MECOM: variants seen among roughly 807,000 people sequenced by gnomAD.
MECOM encodes the protein histone-lysine N-methyltransferase MECOM.
In MECOM, 13 loss-of-function variants were observed where a neutral mutation model predicts 116.3. That is an observed-to-expected ratio of 0.11 (90% CI 0.07 to 0.18). The LOEUF (loss-of-function observed/expected upper bound fraction) is 0.18. Among genes scored for constraint, MECOM ranks in the 10% least tolerant of loss-of-function variants. The probability of loss-of-function intolerance (pLI) is 1.00; values close to 1 mark genes in which losing one functional copy is unlikely to be tolerated. For missense variants in MECOM, 1,299 were observed against 1,509.0 expected (o/e 0.86, Z 2.31); for synonymous variants, 528 against 535.2 (o/e 0.99, Z 0.19).
intron 2 of MECOM, among the ~76,000 whole-genome samples, chr3:169,152,198 G>A (rs934997483): frequency 6.6e-6 from 1 of 152,182 alleles, no homozygotes; most frequent in Non-Finnish European, 1.5e-5. Context: ...ACTGAAGAGA[G>A]ATTACTGGTG....
At chr3:169,499,619 A>G (rs371839486) in intron 1 of MECOM, among the ~76,000 whole-genome samples, 4,549 of 46,896 alleles carry the variant, frequency 0.097, 88 homozygotes, top group African/African-American at 0.3. Context: ...GACCAGGGGG[A>G]AAAAAAAAGA....
chr3:169,414,543 T>C (rs901853634), intron 1 of MECOM, among the ~76,000 whole-genome samples: 4 of 152,154 alleles, frequency 2.6e-5, no homozygotes, highest in African/African-American at 9.7e-5. Flanking sequence ...GTTTGATGAA[T>C]TGACAGAAGT....
intron 2 of MECOM, among the ~76,000 whole-genome samples, chr3:169,225,778 T>C (rs1752655057): frequency 6.6e-6 from 1 of 152,098 alleles, no homozygotes; most frequent in Non-Finnish European, 1.5e-5. Context: ...CCTGGATAAT[T>C]TTTGTATTTT....
In MECOM at chr3:169,115,419, G is replaced by T; in HGVS notation, c.2453C>A (p.Ala818Glu). 1 of 1,614,158 alleles carries T rather than the reference G, an allele frequency of 6.2e-7. No homozygotes were observed. Among genetic ancestry groups the T allele is most frequent in the South Asian group, 1.1e-5 (1 of 91,086 alleles). The change falls in exon 8 of 17, where the codon GCA becomes GAA. Residue 818 changes from alanine (A) to glutamate (E), a missense_variant. Physicochemically the swap from Ala to Glu is moderately radical, Grantham distance 107. Coordinates refer to ENST00000651503, the MANE Select transcript of MECOM (RefSeq NM_004991.4). Reference protein sequence around the residue: ...RPASDGSLQHARPTPFFMDPI... With the variant: ...RPASDGSLQHERPTPFFMDPI... ...GTCCATAAAGAAAGGAGTGGGTCTT[G>T]CATGCTGCAAGGAACCATCTGAAGC...
intron 1 of MECOM, among the ~76,000 whole-genome samples, chr3:169,655,294 A>G (rs1775410354): frequency 6.6e-6 from 1 of 152,122 alleles, no homozygotes; most frequent in African/African-American, 2.4e-5. Context: ...TAAGGCTTAT[A>G]CCCACCTTGC....
intron 10 of MECOM, among the ~76,000 whole-genome samples, chr3:169,102,968 T>C (rs752414584): frequency 5.9e-5 from 9 of 151,900 alleles, no homozygotes; most frequent in Admixed American, 5.2e-4. Flanking sequence ...ACCACACTTT[T>C]CGAGAAACAT....
rs184752398 is a variant in MECOM at position 169,578,112 on chromosome 3, A to G, written c.37+85224T>C. On this transcript the variant is annotated intron_variant, in intron 1 of 16. Transcript: ENST00000651503. ...GGGATTAGATAACTAACTGCTATAA[A>G]TTAAGGGTAGTCTAAATTATAAGCC... Among the ~76,000 whole-genome samples the G allele has an allele frequency of 1.4e-3, 210 of 152,310 alleles. 2 individuals carry two copies. The highest frequency in any genetic ancestry group is 4.8e-3 in the African/African-American group (201 of 41,588).
chr3:169,263,216 C>A (rs1377753433), intron 2 of MECOM, among the ~76,000 whole-genome samples: 3 of 147,052 alleles, frequency 2.0e-5, no homozygotes, highest in Admixed American at 2.0e-4. Context: ...GCAAGCTCCA[C>A]CTCCCGGGTT....
chr3:169,205,511 A>G (rs1749800605), intron 2 of MECOM, among the ~76,000 whole-genome samples: 1 of 152,204 alleles, frequency 6.6e-6, no homozygotes, highest in Admixed American at 6.5e-5. Context: ...TTCCTTTGAC[A>G]TAACACCGGG....
intron 1 of MECOM, among the ~76,000 whole-genome samples, chr3:169,491,002 G>A (rs1196555534): frequency 6.6e-6 from 1 of 151,640 alleles, no homozygotes; most frequent in Non-Finnish European, 1.5e-5. Flanking sequence ...AAGACTATAG[G>A]CACATACCAC....
At chr3:169,603,390 TA>T (rs956044192) in intron 1 of MECOM, among the ~76,000 whole-genome samples, 8 of 151,726 alleles carry the variant, frequency 5.3e-5, no homozygotes, top group Non-Finnish European at 7.4e-5. Context: ...GTTTACAAAG[TA>T]AAAAAAAATT....
intron 3 of MECOM, among the ~76,000 whole-genome samples, chr3:169,140,366 T>TGGATCTA (rs1200811047): frequency 6.6e-6 from 1 of 152,150 alleles, no homozygotes; most frequent in African/African-American, 2.4e-5. Context: ...GTATCTTTAA[T>TGGATCTA]GGATCTATTA....
chr3:169,096,458 C>CA (rs1721525483), intron 12 of MECOM, among the ~76,000 whole-genome samples: 1 of 151,926 alleles, frequency 6.6e-6, no homozygotes, highest in African/African-American at 2.4e-5. Flanking sequence ...TTTGTAGAGA[C>CA]AGAGTTTCAC....
At chr3:169,292,286 T>A (rs1714720069) in intron 2 of MECOM, among the ~76,000 whole-genome samples, 2 of 151,998 alleles carry the variant, frequency 1.3e-5, no homozygotes, top group Non-Finnish European at 2.9e-5. Context: ...TGAGCTGAGA[T>A]CGCACAACCA....
At chr3:169,499,346 C>CAAAAAA (rs60302997) in intron 1 of MECOM, among the ~76,000 whole-genome samples, 1 of 51,578 alleles carries the variant, frequency 1.9e-5, no homozygotes, top group African/African-American at 8.6e-5. Flanking sequence ...AGATTACCCA[C>CAAAAAA]AAAAAAAAAA....
Position 169,480,896 on chromosome 3 carries a change from C to CG in MECOM, c.38-99373dup, listed in dbSNP as rs202235225. ...TCCTGGTGTTTCTGAGTTCTTGGGG[C>CG]GGGGGGGCTTGTTTGTTATTTGTTG... On this transcript the variant is annotated intron_variant, in intron 1 of 16. Transcript: ENST00000651503. 9.8e-3 allele frequency among the ~76,000 whole-genome samples: 1,488 copies of CG among 151,204 alleles called. 29 individuals are homozygous for CG. Among genetic ancestry groups the CG allele is most frequent in the African/African-American group, 0.034 (1,390 of 41,132 alleles).
Position 169,232,952 on chromosome 3 carries a change from C to T in MECOM, c.376-89120G>A, listed in dbSNP as rs71306630. Among the ~76,000 whole-genome samples the T allele has an allele frequency of 5.2e-3, 795 of 152,098 alleles. 4 individuals carry two copies. Among genetic ancestry groups the T allele is most frequent in the Middle Eastern group, 0.01 (3 of 294 alleles). On this transcript the variant is annotated intron_variant, in intron 2 of 16. Transcript: ENST00000651503. ...TTGTCACCTCATGTTCTCTTCCAGA[C>T]CATTCACCCAGGTCAGTTTCCTGGC...
intron 1 of MECOM, among the ~76,000 whole-genome samples, chr3:169,472,018 A>G (rs1040420037): frequency 6.6e-6 from 1 of 152,140 alleles, no homozygotes; most frequent in African/African-American, 2.4e-5. Context: ...AAAATATAAC[A>G]AAATCTTGCC....
At chr3:169,149,861 A>G (rs1039987262) in intron 2 of MECOM, 5 of 326,538 alleles carry the variant, frequency 1.5e-5, no homozygotes, top group African/African-American at 1.1e-4. Flanking sequence ...GAAAAAGACT[A>G]AAGGAAATCA....
Sources: allele counts gnomAD v4.1 joint callset (sites outside exome capture counted in the v4.1 genomes callset), GRCh38; gene constraint gnomAD v4.1.1; transcripts MANE v1.5; gene names NCBI Gene and HGNC (gene_info 2026-07-23, HGNC 2026-07-21).